The following RBL2 variants were observed in gnomAD, a reference collection of about 807,000 sequenced individuals.
The protein encoded by RBL2 is retinoblastoma-like protein 2.
RBL2 carries 56 observed loss-of-function variants against 126.0 expected under a neutral mutation model. The observed-to-expected ratio is 0.44, with a 90% CI of 0.36 to 0.56. The LOEUF is 0.56. Among genes scored for constraint, RBL2 ranks in the 20% least tolerant of loss-of-function variants. RBL2 has a pLI of 0.00. For missense variants in RBL2, 1,229 were observed against 1,398.2 expected (o/e 0.88, Z 1.93); for synonymous variants, 454 against 478.5 (o/e 0.95, Z 0.67).
intron 2 of RBL2, among the ~76,000 whole-genome samples, chr16:53,442,071 C>T (rs764050171): frequency 1.3e-5 from 2 of 152,122 alleles, no homozygotes; most frequent in Non-Finnish European, 2.9e-5. Flanking sequence ...TCTCCCACCT[C>T]GGCCTCCCAA....
At chr16:53,484,150 A>G (rs1037635291) in intron 21 of RBL2, among the ~76,000 whole-genome samples, 1 of 152,230 alleles carries the variant, frequency 6.6e-6, no homozygotes, top group South Asian at 2.1e-4. Context: ...TAACAGCCCC[A>G]AAAAGCAAAT....
At chr16:53,454,592 A>G in intron 7 of RBL2, 64 bp from the exon 8 acceptor site, 1 of 1,355,860 alleles carries the variant, frequency 7.4e-7, no homozygotes, top group Non-Finnish European at 1.0e-6. Context: ...AAAAAATGAA[A>G]TAATTAATTG....
chr16:53,451,632 A>G lies in RBL2; in HGVS notation c.638-71A>G, dbSNP rs771282059. On this transcript the variant is annotated intron_variant, in intron 4 of 21. Coordinates refer to ENST00000262133, the MANE Select transcript of RBL2 (RefSeq NM_005611.4). ...TGTTTTGTAATGTCATAATAAGTAA[A>G]GGAAGAAATTTTTTAAAAATGTTAC... The G allele has an allele frequency of 3.3e-6, 5 of 1,522,750 alleles. No individual in the cohort carries two copies. In the Admixed American group the frequency reaches 9.2e-5, roughly 28 times the overall value. 94.3% of individuals were successfully genotyped at this position (1,522,750 alleles called of 1,614,324 possible).
At chr16:53,450,166 G>A (rs1008205785) in intron 4 of RBL2, among the ~76,000 whole-genome samples, 8 of 152,124 alleles carry the variant, frequency 5.3e-5, no homozygotes, top group African/African-American at 1.9e-4. Context: ...ACAGTTTAAT[G>A]TGTTGATTAT....
At chr16:53,474,505 G>C (rs982274295) in intron 17 of RBL2, among the ~76,000 whole-genome samples, 11 of 151,660 alleles carry the variant, frequency 7.3e-5, no homozygotes, top group African/African-American at 2.7e-4. Flanking sequence ...CAGTAGGGAC[G>C]GGGTTTCTCC....
At chr16:53,436,761 C>G (rs537696665) in intron 1 of RBL2, among the ~76,000 whole-genome samples, 38 of 152,302 alleles carry the variant, frequency 2.5e-4, no homozygotes, top group Non-Finnish European at 3.5e-4. Context: ...AAGTAATTTC[C>G]CCACTGTGTT....
At chr16:53,462,723 G>A in intron 11 of RBL2, 68 bp downstream of exon 11, 2 of 1,100,676 alleles carry the variant, frequency 1.8e-6, no homozygotes, top group South Asian at 1.5e-5. Context: ...CTATTCTGTG[G>A]GTTGTTTTTT....
intron 21 of RBL2, among the ~76,000 whole-genome samples, chr16:53,486,379 G>A (rs1008477343): frequency 5.3e-5 from 8 of 152,136 alleles, no homozygotes; most frequent in African/African-American, 1.9e-4. Context: ...TAAAACTCAA[G>A]TAGTAGTCTC....
chr16:53,453,747 C>T lies in RBL2; in HGVS notation c.970C>T (p.Pro324Ser), dbSNP rs1173426747. 1.9e-6 allele frequency: 3 copies of T among 1,610,066 alleles called. No individual in the cohort carries two copies. The highest frequency in any genetic ancestry group is 2.5e-6 in the Non-Finnish European group (3 of 1,178,346). ...AGAAAATCTCACTGGGTTTCTAGAA[C>T]CTGGGAACTTTGGAGAGAGTTTGTG... ...KEENLTGFLE[P>S]GNFGESFKAI... The change falls in exon 7 of 22, where the codon CCT becomes TCT. Residue 324 changes from proline to serine, a missense_variant. Around this residue, in one of 2 missense-constraint regions of RBL2, gnomAD observed 1,070 missense variants for 1,274.3 expected, o/e 0.84. Coordinates refer to ENST00000262133, the MANE Select transcript of RBL2 (RefSeq NM_005611.4).
chr16:53,439,196 A>T (rs771920328), intron 2 of RBL2, 50 bp downstream of exon 2: 8 of 1,433,642 alleles, frequency 5.6e-6, no homozygotes, highest in Non-Finnish European at 7.4e-6. Context: ...GTAAGCTCAT[A>T]AATCATAGTG....
intron 17 of RBL2, among the ~76,000 whole-genome samples, chr16:53,472,466 A>G (rs1171474663): frequency 6.6e-6 from 1 of 152,146 alleles, no homozygotes; most frequent in Non-Finnish European, 1.5e-5. Flanking sequence ...TGGGTGATAT[A>G]TCATTGTGGT....
intron 8 of RBL2, among the ~76,000 whole-genome samples, chr16:53,459,115 T>A (rs2058195051): frequency 6.6e-6 from 1 of 152,242 alleles, no homozygotes; most frequent in African/African-American, 2.4e-5. Flanking sequence ...GCAGAATGCT[T>A]ATCTTTGCCT....
At chr16:53,484,969 C>T (rs1481994583) in intron 21 of RBL2, among the ~76,000 whole-genome samples, 4 of 150,932 alleles carry the variant, frequency 2.7e-5, no homozygotes, top group South Asian at 4.2e-4. Flanking sequence ...CAAAGAGGGT[C>T]GTTTCCTATT....
At chr16:53,435,579 C>G in intron 1 of RBL2, 2 of 1,235,044 alleles carry the variant, frequency 1.6e-6, no homozygotes, top group Admixed American at 5.8e-5. Flanking sequence ...ATGCACCTCC[C>G]CTTCATGGGC....
Position 53,462,161 on chromosome 16 carries a change from G to A in RBL2, c.1456+311G>A, listed in dbSNP as rs150912354. On this transcript the variant is annotated intron_variant, in intron 10 of 21. Transcript: ENST00000262133. The stretch of plus-strand genomic sequence containing the variant: ...CAACATATTGAGAATAAGGACAGGA[G>A]ATATCACTGTTATGGGCCCAAACCT... 6.1e-3 allele frequency among the ~76,000 whole-genome samples: 925 copies of A among 152,268 alleles called. 9 individuals are homozygous for A. The highest frequency in any genetic ancestry group is 0.021 in the African/African-American group (889 of 41,548).
Position 53,465,616 on chromosome 16 carries a change from A to G in RBL2, c.1863+14A>G, listed in dbSNP as rs781285978. On this transcript the variant is annotated intron_variant, in intron 13 of 21. Transcript: ENST00000262133. ...ACATGTGAAGAGGTTTGTGAAAATAACATCTTTTTATGAGAAAAATACATC... is the reference window on the plus strand; with the variant it reads ...ACATGTGAAGAGGTTTGTGAAAATAGCATCTTTTTATGAGAAAAATACATC... The G allele has an allele frequency of 9.1e-6, 14 of 1,532,284 alleles. No homozygotes were observed. The highest frequency in any genetic ancestry group is 1.1e-5 in the Non-Finnish European group (13 of 1,142,614). The allele number at this position is 1,532,284 out of a possible 1,614,324, so 94.9% of individuals were successfully genotyped here.
intron 18 of RBL2, chr16:53,479,620 T>G: frequency 2.2e-6 from 1 of 461,066 alleles, no homozygotes; most frequent in Non-Finnish European, 3.9e-6. Flanking sequence ...CAGATCTGTG[T>G]ATCTTACTTA....
intron 21 of RBL2, among the ~76,000 whole-genome samples, chr16:53,485,831 G>C (rs1392753650): frequency 2.6e-5 from 4 of 151,712 alleles, no homozygotes; most frequent in Non-Finnish European, 5.9e-5. Context: ...ACTCCAGCCT[G>C]AGTGACAGAA....
chr16:53,481,565 T>C, intron 20 of RBL2, 106 bp from the exon 21 acceptor site: 1 of 1,030,674 alleles, frequency 9.7e-7, no homozygotes, highest in Non-Finnish European at 1.4e-6. Flanking sequence ...CACTCTGTCA[T>C]TCATAAAACT....
Sources: allele counts gnomAD v4.1 joint callset (sites outside exome capture counted in the v4.1 genomes callset), GRCh38; gene constraint gnomAD v4.1.1; regional missense constraint gnomAD v4.1.1; transcripts MANE v1.5; gene names NCBI Gene and HGNC (gene_info 2026-07-23, HGNC 2026-07-21).